VPS13B: variants seen among roughly 807,000 people sequenced by gnomAD.
The protein encoded by VPS13B is vacuolar protein sorting 13 homolog B.
VPS13B carries 285 observed loss-of-function variants against 426.4 expected under a neutral mutation model. The ratio of observed to expected loss-of-function variants is 0.67; its 90% CI spans 0.61 to 0.74. VPS13B has a LOEUF of 0.74. Ranked by LOEUF, VPS13B falls within the 30% of genes least tolerant of loss-of-function variation. The probability of loss-of-function intolerance (pLI) is 0.00; values close to 1 mark genes in which losing one functional copy is unlikely to be tolerated. For synonymous variants in VPS13B, 1,676 were observed against 1,676.4 expected (o/e 1.00, Z 0.01); for missense variants, 4,537 against 4,782.6 (o/e 0.95, Z 1.51).
chr8:99,860,371 G>A (rs1336687220), intron 57 of VPS13B, among the ~76,000 whole-genome samples: 2 of 152,178 alleles, frequency 1.3e-5, no homozygotes, highest in African/African-American at 2.4e-5. Context: ...TCATCTGGGA[G>A]GACTGGGGGC....
chr8:99,271,194 TA>T (rs1322874474), intron 17 of VPS13B, among the ~76,000 whole-genome samples: 1 of 129,006 alleles, frequency 7.8e-6, no homozygotes, highest in African/African-American at 2.9e-5. Context: ...CTGCTACCAC[TA>T]ACTACTACTA....
At chr8:99,597,020 A>G (rs961891196) in intron 33 of VPS13B, among the ~76,000 whole-genome samples, 2 of 152,060 alleles carry the variant, frequency 1.3e-5, no homozygotes, top group African/African-American at 4.8e-5. Context: ...GTTCTATATC[A>G]TATAATATGT....
At chr8:99,548,411 C>T (rs1563790154) in intron 30 of VPS13B, among the ~76,000 whole-genome samples, 1 of 151,434 alleles carries the variant, frequency 6.6e-6, no homozygotes, top group Non-Finnish European at 1.5e-5. Flanking sequence ...AACTATTTAC[C>T]AAAAACTTTA....
At chr8:99,319,286 G>C (rs1016583087) in intron 19 of VPS13B, among the ~76,000 whole-genome samples, 8 of 152,188 alleles carry the variant, frequency 5.3e-5, no homozygotes, top group Non-Finnish European at 1.2e-4. Context: ...CGTGAGTGAT[G>C]TGATTTTCTA....
intron 43 of VPS13B, among the ~76,000 whole-genome samples, chr8:99,807,148 CAT>C (rs1388270674): frequency 2.6e-5 from 4 of 152,194 alleles, no homozygotes; most frequent in African/African-American, 9.6e-5. Flanking sequence ...TAAATCCAAA[CAT>C]ATCTGAATTT....
At chr8:99,045,985 C>G (rs1843224916) in intron 3 of VPS13B, among the ~76,000 whole-genome samples, 1 of 152,058 alleles carries the variant, frequency 6.6e-6, no homozygotes, top group South Asian at 2.1e-4. Context: ...AATGTGATAC[C>G]TCCAGATTTT....
intron 17 of VPS13B, among the ~76,000 whole-genome samples, chr8:99,260,073 T>C (rs966707881): frequency 6.6e-6 from 1 of 152,018 alleles, no homozygotes; most frequent in African/African-American, 2.4e-5. Flanking sequence ...TTTTTGGAGG[T>C]TGGAAGTCCT....
At chr8:99,454,214 T>C (rs1440175339) in intron 23 of VPS13B, among the ~76,000 whole-genome samples, 1 of 152,194 alleles carries the variant, frequency 6.6e-6, no homozygotes, top group African/African-American at 2.4e-5. Context: ...AGACAGGGTC[T>C]CATTCTGTCA....
chr8:99,213,169 C>T (rs569121134), intron 17 of VPS13B, among the ~76,000 whole-genome samples: 4 of 152,204 alleles, frequency 2.6e-5, no homozygotes, highest in African/African-American at 7.2e-5. Context: ...GTACACATCA[C>T]TCTTTATTGT....
chr8:99,477,810 A>G (rs1029867743), intron 24 of VPS13B, among the ~76,000 whole-genome samples: 5 of 152,288 alleles, frequency 3.3e-5, no homozygotes, highest in Non-Finnish European at 4.4e-5. Flanking sequence ...GTTCTTAGAC[A>G]CTGTGTATAT....
intron 35 of VPS13B, chr8:99,695,907 T>A (rs1831966881): frequency 6.6e-6 from 1 of 152,020 alleles, no homozygotes; most frequent in African/African-American, 2.4e-5. Context: ...CTGTAATCAA[T>A]CATGAAGCCT....
chr8:99,607,566 A>G (rs1448868120), intron 33 of VPS13B, among the ~76,000 whole-genome samples: 5 of 152,178 alleles, frequency 3.3e-5, no homozygotes, highest in Admixed American at 3.3e-4. Flanking sequence ...AGTCTATTGA[A>G]TTATATATAG....
chr8:99,854,226 C>G lies in VPS13B; in HGVS notation c.10837C>G (p.His3613Asp). Residue 3613 changes from histidine (H) to aspartate (D), a missense_variant, in exon 56 of 62, where the codon CAC (histidine) becomes GAC (aspartate). This residue lies in a region of VPS13B where 4,311 missense variants were observed against 4,474.3 expected (regional missense o/e 0.96). Coordinates refer to ENST00000357162, the MANE Select transcript of VPS13B (RefSeq NM_152564.5). ...ARQLVHALAM[H>D]YAAGALFRAG... ...GCAGCTTGTGCACGCCCTGGCAATG[C>G]ACTATGCCGCTGGGGCCCTTTTTAG... The G allele has an allele frequency of 1.9e-6, 3 of 1,614,092 alleles. No homozygotes were observed. Among genetic ancestry groups the G allele is most frequent in the Non-Finnish European group, 2.5e-6 (3 of 1,180,028 alleles).
At chr8:99,875,336 T>G in intron 61 of VPS13B, 82 bp from the exon 62 acceptor site, 1 of 1,587,806 alleles carries the variant, frequency 6.3e-7, no homozygotes, top group Non-Finnish European at 8.6e-7. Context: ...AATGTACAAA[T>G]ATATCGAGGC....
chr8:99,340,492 A>T (rs1004718255), intron 19 of VPS13B: 12 of 484,810 alleles, frequency 2.5e-5, no homozygotes, highest in Middle Eastern at 3.9e-4. Flanking sequence ...TGGAAGTTTT[A>T]CCAAAAGTCA....
intron 58 of VPS13B, among the ~76,000 whole-genome samples, chr8:99,867,655 T>C (rs1464102216): frequency 1.3e-5 from 2 of 152,142 alleles, no homozygotes; most frequent in African/African-American, 4.8e-5. Flanking sequence ...GTGTCCGTAT[T>C]TGGATAAAAA....
intron 16 of VPS13B, among the ~76,000 whole-genome samples, chr8:99,173,217 AG>A (rs956225280): frequency 6.6e-6 from 1 of 152,132 alleles, no homozygotes; most frequent in Non-Finnish European, 1.5e-5. Context: ...AGTGTTAATT[AG>A]AAGTTACACG....
intron 29 of VPS13B, 95 bp from the exon 30 acceptor site, chr8:99,520,804 T>C (rs1822344631): frequency 1.1e-6 from 1 of 911,198 alleles, no homozygotes; most frequent in East Asian, 2.4e-5. Flanking sequence ...CTTATCTTAA[T>C]GTGTCTCTAT....
At chr8:99,452,667 G>A (rs1276549254) in intron 23 of VPS13B, among the ~76,000 whole-genome samples, 1 of 152,098 alleles carries the variant, frequency 6.6e-6, no homozygotes, top group Non-Finnish European at 1.5e-5. Flanking sequence ...AAAAAAAGGG[G>A]GGAAAAAGCA....
Sources: allele counts gnomAD v4.1 joint callset (sites outside exome capture counted in the v4.1 genomes callset), GRCh38; gene constraint gnomAD v4.1.1; regional missense constraint gnomAD v4.1.1; transcripts MANE v1.5; gene names NCBI Gene and HGNC (gene_info 2026-07-23, HGNC 2026-07-21).